FLACC1: variants seen among roughly 807,000 people sequenced by gnomAD.
FLACC1 encodes the protein flagellum associated containing coiled-coil domains 1.
A neutral mutation model predicts 62.8 loss-of-function variants in FLACC1; 66 were observed. The observed-to-expected ratio is 1.05, with a 90% CI of 0.86 to 1.29. FLACC1 has a LOEUF of 1.29. FLACC1 is among the 50% of genes most tolerant of loss of function. FLACC1 has a pLI of 0.00. For missense variants in FLACC1, 452 were observed against 489.1 expected (o/e 0.92, Z 0.71); for synonymous variants, 156 against 161.0 (o/e 0.97, Z 0.24).
intron 12 of FLACC1, among the ~76,000 whole-genome samples, chr2:201,296,669 A>T (rs1949871620): frequency 6.6e-6 from 1 of 152,184 alleles, no homozygotes; most frequent in Non-Finnish European, 1.5e-5. Context: ...TAATAAAAAA[A>T]ATGCAAAATT....
Position 201,288,777 on chromosome 2 carries a change from T to G in FLACC1, c.1147A>C (p.Lys383Gln), listed in dbSNP as rs1307759879. Residue 383 changes from lysine (K) to glutamine (Q), a missense_variant, in exon 15 of 15, where the codon AAG (lysine) becomes CAG (glutamine). Coordinates refer to ENST00000392257, the MANE Select transcript of FLACC1 (RefSeq NM_001127391.3). ...ATTTCTTCATTCTTAGAAATTATCT[T>G]TTGCCTGTAAAAAGAAAGGAAAGAT... ...LTEENIHLKQKIISKNEEICE... is the reference protein window; with the variant it reads ...LTEENIHLKQQIISKNEEICE... The G allele has an allele frequency of 6.2e-7, 1 of 1,613,302 alleles. No homozygotes were observed. Among genetic ancestry groups the G allele is most frequent in the Admixed American group, 1.7e-5 (1 of 59,980 alleles).
chr2:201,303,037 A>G (rs1950019637), intron 11 of FLACC1, among the ~76,000 whole-genome samples: 1 of 149,882 alleles, frequency 6.7e-6, no homozygotes, highest in Admixed American at 6.7e-5. Flanking sequence ...AAGCAAGGGC[A>G]AACACATTCA....
intron 9 of FLACC1, among the ~76,000 whole-genome samples, chr2:201,330,183 G>T (rs1032252147): frequency 2.0e-5 from 3 of 152,134 alleles, no homozygotes; most frequent in African/African-American, 7.2e-5. Flanking sequence ...GTTGTCTTTG[G>T]GTGGTGATAT....
intron 7 of FLACC1, among the ~76,000 whole-genome samples, chr2:201,331,331 C>A (rs571904196): frequency 6.6e-6 from 1 of 152,170 alleles, no homozygotes; most frequent in South Asian, 2.1e-4. Context: ...TGAGGGGACC[C>A]TTTTCTACCA....
At chr2:201,357,347 GAGGT>G (rs1951136791), upstream of FLACC1, 1 of 152,230 alleles carries the variant, frequency 6.6e-6, no homozygotes, top group Non-Finnish European at 1.5e-5. Flanking sequence ...CCTGAGTTGT[GAGGT>G]TTGCCCTTGG....
chr2:201,322,280 A>C (rs1002862147), intron 9 of FLACC1, among the ~76,000 whole-genome samples: 2 of 151,940 alleles, frequency 1.3e-5, no homozygotes, highest in African/African-American at 4.8e-5. Flanking sequence ...AAAAAAGAAA[A>C]AAAAAACTGG....
At chr2:201,302,576 T>C (rs1020721612) in intron 11 of FLACC1, among the ~76,000 whole-genome samples, 27 of 152,054 alleles carry the variant, frequency 1.8e-4, no homozygotes, top group African/African-American at 2.7e-4. Context: ...CTGCACCAAG[T>C]GGACCTAATA....
Position 201,318,595 on chromosome 2 carries a change from A to G in FLACC1, c.676-9345T>C, listed in dbSNP as rs192131494. 6.6e-3 allele frequency among the ~76,000 whole-genome samples: 1,011 copies of G among 152,278 alleles called. 3 individuals are homozygous for G. Among genetic ancestry groups the G allele is most frequent in the African/African-American group, 0.01 (418 of 41,564 alleles). ...GCCATAATCAAAAAATAAAAAAAAAATACATGTTGGCATGGATGTGGTGAA... is the reference window on the plus strand; with the variant it reads ...GCCATAATCAAAAAATAAAAAAAAAGTACATGTTGGCATGGATGTGGTGAA... On this transcript the variant is annotated intron_variant, in intron 9 of 14. Transcript: ENST00000392257.
At chr2:201,341,585 A>G (rs554763366) in intron 7 of FLACC1, among the ~76,000 whole-genome samples, 64 of 151,562 alleles carry the variant, frequency 4.2e-4, no homozygotes, top group Admixed American at 1.1e-3. Flanking sequence ...TACTATATAC[A>G]TATAGTAAAA....
At chr2:201,323,883 G>T (rs536801790) in intron 9 of FLACC1, among the ~76,000 whole-genome samples, 1 of 149,284 alleles carries the variant, frequency 6.7e-6, no homozygotes, top group African/African-American at 2.5e-5. Context: ...AGCCAAATAC[G>T]CACCAAAATA....
chr2:201,351,180 C>A, intron 2 of FLACC1, 112 bp downstream of exon 2: 2 of 953,374 alleles, frequency 2.1e-6, no homozygotes. Context: ...GGCTTTCTGG[C>A]CCACCTGGGA....
At chr2:201,305,590 A>G (rs1275598490) in intron 11 of FLACC1, among the ~76,000 whole-genome samples, 2 of 152,232 alleles carry the variant, frequency 1.3e-5, no homozygotes, top group Non-Finnish European at 2.9e-5. Flanking sequence ...CTGGGTATAT[A>G]CCCAAAGGAT....
chr2:201,296,215 A>G (rs1370436344), intron 12 of FLACC1, among the ~76,000 whole-genome samples: 2 of 152,154 alleles, frequency 1.3e-5, no homozygotes, highest in Admixed American at 1.3e-4. Context: ...ATGCACACGT[A>G]TGTTTATTGC....
At chr2:201,312,547 T>C (rs768274886) in intron 9 of FLACC1, among the ~76,000 whole-genome samples, 12 of 152,192 alleles carry the variant, frequency 7.9e-5, no homozygotes, top group African/African-American at 1.4e-4. Context: ...AACATCATTT[T>C]TCACAGAATT....
upstream of FLACC1, among the ~76,000 whole-genome samples, chr2:201,359,782 G>A (rs576133377): frequency 3.3e-5 from 5 of 152,292 alleles, no homozygotes; most frequent in African/African-American, 1.2e-4. Context: ...CAGGCTAGAT[G>A]AAGAGAGACT....
upstream of FLACC1, among the ~76,000 whole-genome samples, chr2:201,358,345 C>T (rs903624353): frequency 5.9e-5 from 9 of 151,996 alleles, no homozygotes; most frequent in Non-Finnish European, 7.4e-5. Context: ...TGGACTCAAG[C>T]GATCCTTCTG....
chr2:201,362,322 T>TA (rs58253122), upstream of FLACC1, among the ~76,000 whole-genome samples: 13,458 of 151,976 alleles, frequency 0.089, 727 homozygotes, highest in African/African-American at 0.14. Context: ...TGAGTTTTTT[T>TA]AAAAAAACAG....
chr2:201,337,044 G>T (rs564097848), intron 7 of FLACC1, among the ~76,000 whole-genome samples: 1 of 152,098 alleles, frequency 6.6e-6, no homozygotes, highest in Non-Finnish European at 1.5e-5. Context: ...TGAGTCCTCT[G>T]TCAAATGAGT....
intron 11 of FLACC1, among the ~76,000 whole-genome samples, chr2:201,300,224 C>G (rs949426565): frequency 6.6e-6 from 1 of 152,244 alleles, no homozygotes; most frequent in African/African-American, 2.4e-5. Flanking sequence ...CACTCCCACC[C>G]TAATACTGTG....
Sources: allele counts gnomAD v4.1 joint callset (sites outside exome capture counted in the v4.1 genomes callset), GRCh38; gene constraint gnomAD v4.1.1; transcripts MANE v1.5; gene names NCBI Gene and HGNC (gene_info 2026-07-23, HGNC 2026-07-21).